Variants in CCDC171 observed in about 807,000 individuals in gnomAD.
The protein encoded by CCDC171 is coiled-coil domain containing 171.
CCDC171 carries 177 observed loss-of-function variants against 168.2 expected under a neutral mutation model. That is an observed-to-expected ratio of 1.05 (90% CI 0.93 to 1.19). The LOEUF is 1.19. Among genes scored for constraint, CCDC171 ranks in the 50% most tolerant of loss-of-function variants. CCDC171 has a pLI of 0.00. For missense variants in CCDC171, 1,991 were observed against 1,539.0 expected (o/e 1.29, Z -4.91); for synonymous variants, 687 against 540.8 (o/e 1.27, Z -3.75).
At chr9:15,955,134 G>A (rs1829658140) in intron 25 of CCDC171, among the ~76,000 whole-genome samples, 1 of 152,100 alleles carries the variant, frequency 6.6e-6, no homozygotes, top group Non-Finnish European at 1.5e-5. Flanking sequence ...GTGTGTCAAG[G>A]ATCAGCCTGA....
intron 23 of CCDC171, among the ~76,000 whole-genome samples, chr9:15,859,899 C>G (rs1291658097): frequency 6.6e-6 from 1 of 151,930 alleles, no homozygotes; most frequent in East Asian, 1.9e-4. Context: ...AACTCCTAGC[C>G]TCAAGCACTC....
intron 21 of CCDC171, among the ~76,000 whole-genome samples, chr9:15,820,249 A>C (rs1206589713): frequency 8.5e-6 from 1 of 117,468 alleles, no homozygotes. Flanking sequence ...AAAAGATCTA[A>C]AATCGACACC....
At chr9:15,655,429 C>A (rs929040097) in intron 7 of CCDC171, among the ~76,000 whole-genome samples, 7 of 152,114 alleles carry the variant, frequency 4.6e-5, no homozygotes, top group Non-Finnish European at 8.8e-5. Flanking sequence ...ATGACCGATT[C>A]CCTTTTTGGG....
At position 15,620,072 on chromosome 9, in the gene CCDC171, T is replaced by C. The variant is rs147563052; in HGVS notation, c.676-3195T>C. Among the ~76,000 whole-genome samples, 91 of 152,348 alleles carry C rather than the reference T, an allele frequency of 6.0e-4. 1 individual carries two copies. In the East Asian group the frequency reaches 0.016, roughly 26 times the overall value. On this transcript the variant is annotated intron_variant, in intron 6 of 25. Coordinates refer to ENST00000380701, the MANE Select transcript of CCDC171 (RefSeq NM_173550.4). The stretch of plus-strand genomic sequence containing the variant: ...AAATATTGTTTGTTAACAATGCACT[T>C]GGTTACTGAAGAGCGCTGATGGTTA...
chr9:15,783,313 C>T (rs1471183422), intron 20 of CCDC171, among the ~76,000 whole-genome samples: 1 of 152,088 alleles, frequency 6.6e-6, no homozygotes, highest in Non-Finnish European at 1.5e-5. Context: ...TCTTATTTGT[C>T]AGAAAAATAA....
At chr9:16,015,463 T>C (rs1050004245) in intron 3 of CCDC171, among the ~76,000 whole-genome samples, 3 of 152,180 alleles carry the variant, frequency 2.0e-5, no homozygotes, top group Admixed American at 1.3e-4. Context: ...CTGTTATTAT[T>C]GTTATTGTTC....
Position 15,571,764 on chromosome 9 carries a change from G to A in CCDC171, c.177+5G>A, listed in dbSNP as rs752228010. The A allele has an allele frequency of 3.0e-5, 47 of 1,562,310 alleles. No individual in the cohort carries two copies. The highest frequency in any genetic ancestry group is 3.9e-5 in the Non-Finnish European group (45 of 1,165,252). ...ACAACCAAACACAATGCAGAGGTAC[G>A]ATTTATTTTCCTCTCAAATAATGTT... is the stretch of plus-strand genomic sequence containing the variant. On this transcript the variant is annotated splice_donor_5th_base_variant and intron_variant, in intron 3 of 25. Coordinates refer to ENST00000380701, the MANE Select transcript of CCDC171 (RefSeq NM_173550.4).
chr9:15,716,786 A>T (rs756245319), intron 11 of CCDC171, among the ~76,000 whole-genome samples: 1 of 152,210 alleles, frequency 6.6e-6, no homozygotes, highest in African/African-American at 2.4e-5. Context: ...TCCTGTGATG[A>T]CATTAATTCA....
chr9:16,107,048 C>A, the CCDC171 span, among the ~76,000 whole-genome samples: 2 of 152,192 alleles, frequency 1.3e-5, no homozygotes, highest in Non-Finnish European at 2.9e-5. Flanking sequence ...AGAAAAGTTG[C>A]CAAAAGAGTA....
rs138357362 is a variant in CCDC171, at chr9:15,663,264, C to T, written c.916-2899C>T. Reference sequence around the variant, plus strand: ...AACCCAAGTTTTATGGTTCTAAAGCCCATTTTCTGTCTAATGTGAAGCATT... The same window carrying T: ...AACCCAAGTTTTATGGTTCTAAAGCTCATTTTCTGTCTAATGTGAAGCATT... On this transcript the variant is annotated intron_variant, in intron 8 of 25. Coordinates refer to ENST00000380701, the MANE Select transcript of CCDC171 (RefSeq NM_173550.4). Among the ~76,000 whole-genome samples the T allele has an allele frequency of 1.3e-3, 205 of 152,162 alleles. 1 individual carries two copies. The highest frequency in any genetic ancestry group is 4.2e-3 in the African/African-American group (176 of 41,512).
intron 2 of CCDC171, among the ~76,000 whole-genome samples, chr9:15,565,407 C>A (rs1157479946): frequency 6.6e-6 from 1 of 152,108 alleles, no homozygotes; most frequent in Non-Finnish European, 1.5e-5. Flanking sequence ...TGTCTGAGAA[C>A]TCCTGGCCTC....
intron 10 of CCDC171, among the ~76,000 whole-genome samples, chr9:15,683,721 T>G (rs1205706388): frequency 6.6e-6 from 1 of 152,060 alleles, no homozygotes; most frequent in Admixed American, 6.5e-5. Flanking sequence ...CTATGCAAAT[T>G]AGTAAATTTT....
chr9:15,582,749 AGGGAG>A (rs1208422513), intron 4 of CCDC171, among the ~76,000 whole-genome samples: 1 of 150,452 alleles, frequency 6.6e-6, no homozygotes, highest in Admixed American at 6.6e-5. Context: ...ACATGGACAC[AGGGAG>A]GGGAACATCA....
intron 1 of CCDC171, among the ~76,000 whole-genome samples, chr9:16,045,923 G>T (rs1278575063): frequency 6.6e-6 from 1 of 152,148 alleles, no homozygotes; most frequent in Non-Finnish European, 1.5e-5. Flanking sequence ...CTCAGAGCCT[G>T]GAGAGAATAT....
At chr9:15,718,004 AGGGTGGT>A (rs2053204197) in intron 11 of CCDC171, among the ~76,000 whole-genome samples, 1 of 108,726 alleles carries the variant, frequency 9.2e-6, no homozygotes, top group Admixed American at 9.3e-5. Flanking sequence ...GCTTGGCCAC[AGGGTGGT>A]AGAGCACCAA....
At chr9:15,724,177 C>T (rs1239432681) in intron 13 of CCDC171, among the ~76,000 whole-genome samples, 1 of 152,162 alleles carries the variant, frequency 6.6e-6, no homozygotes, top group Non-Finnish European at 1.5e-5. Flanking sequence ...AGGCCCAGGA[C>T]TATAGTTTAT....
At chr9:15,909,996 CTG>C (rs780738934) in intron 24 of CCDC171, among the ~76,000 whole-genome samples, 32 of 152,176 alleles carry the variant, frequency 2.1e-4, no homozygotes, top group Admixed American at 3.9e-4. Context: ...TTATTCCACT[CTG>C]TACTTCCATG....
At chr9:15,799,279 A>G (rs1314072637) in intron 21 of CCDC171, among the ~76,000 whole-genome samples, 2 of 150,678 alleles carry the variant, frequency 1.3e-5, no homozygotes, top group Non-Finnish European at 3.0e-5. Flanking sequence ...TTTATTTTCG[A>G]AAGGTGTTCA....
At chr9:15,857,584 G>A (rs1302126109) in intron 23 of CCDC171, among the ~76,000 whole-genome samples, 4 of 151,680 alleles carry the variant, frequency 2.6e-5, no homozygotes, top group Non-Finnish European at 4.4e-5. Context: ...CACCATGACC[G>A]GCTAATTTTT....
Sources: allele counts gnomAD v4.1 joint callset (sites outside exome capture counted in the v4.1 genomes callset), GRCh38; gene constraint gnomAD v4.1.1; transcripts MANE v1.5; gene names NCBI Gene and HGNC (gene_info 2026-07-23, HGNC 2026-07-21).